The following PTGER3 variants were observed in gnomAD, a reference collection of about 807,000 sequenced individuals.
The protein encoded by PTGER3 is prostaglandin E2 receptor EP3 subtype.
Under a neutral mutation model 34.7 loss-of-function variants are expected in PTGER3, and 22 were observed. The ratio of observed to expected loss-of-function variants is 0.63; its 90% CI spans 0.45 to 0.91. The LOEUF (loss-of-function observed/expected upper bound fraction) is 0.91, where lower values mean the gene tolerates loss of function less well. Ranked by LOEUF, PTGER3 falls within the 40% of genes least tolerant of loss-of-function variation. The pLI is 0.00. For synonymous variants in PTGER3, 241 were observed against 230.1 expected (o/e 1.05, Z -0.43); for missense variants, 468 against 519.4 (o/e 0.90, Z 0.96).
intron 2 of PTGER3, chr1:71,010,392 T>C (rs1337764154): frequency 2.0e-6 from 2 of 984,738 alleles, no homozygotes; most frequent in East Asian, 2.3e-4. Context: ...TGCCAATGTG[T>C]ACTGTCCTGG....
chr1:70,856,727 G>A (rs1244710931), intron 4 of PTGER3, among the ~76,000 whole-genome samples: 3 of 152,006 alleles, frequency 2.0e-5, no homozygotes, highest in African/African-American at 7.2e-5. Context: ...TCATAATTTG[G>A]AAAATGGATA....
At position 71,047,035 on chromosome 1, in the gene PTGER3, C is replaced by G. The variant is rs1228731675; in HGVS notation, c.543G>C (p.Val181=). The change falls in exon 1 of 4, where the codon GTG becomes GTC. Residue 181 remains valine, a synonymous_variant. Transcript: ENST00000306666. ...TRATRAVLLG[V]WLAVLAFALL... ...GGGCGAAGGCGAGCACGGCCAGCCA[C>G]ACGCCGAGCAGCACAGCGCGGGTGG... The G allele has an allele frequency of 6.2e-7, 1 of 1,611,198 alleles. No individual in the cohort carries two copies.
At chr1:70,970,632 G>C (rs565087295), downstream of PTGER3, 12 of 160,178 alleles carry the variant, frequency 7.5e-5, no homozygotes, top group African/African-American at 2.9e-4. Flanking sequence ...CTAAAGAGGA[G>C]ACACTCAGTA....
At chr1:70,904,532 G>A (rs1221694243) in intron 4 of PTGER3, among the ~76,000 whole-genome samples, 3 of 152,230 alleles carry the variant, frequency 2.0e-5, no homozygotes, top group Admixed American at 6.5e-5. Context: ...CTCAGATGGA[G>A]ATGAGGAACT....
At chr1:71,008,106 T>C in intron 2 of PTGER3, 1 of 981,632 alleles carries the variant, frequency 1.0e-6, no homozygotes, top group African/African-American at 1.7e-5. Context: ...ACAGGAATTA[T>C]GTCTGTTACT....
At chr1:71,002,696 A>G (rs1557730498) in intron 2 of PTGER3, among the ~76,000 whole-genome samples, 1 of 152,218 alleles carries the variant, frequency 6.6e-6, no homozygotes, top group Non-Finnish European at 1.5e-5. Flanking sequence ...ACACTTCATG[A>G]TATGCCAATA....
chr1:70,906,799 T>G (rs752904288), intron 4 of PTGER3, among the ~76,000 whole-genome samples: 10 of 152,178 alleles, frequency 6.6e-5, no homozygotes, highest in Non-Finnish European at 1.5e-5. Context: ...GCATTTGACA[T>G]ATACATGCAT....
intron 4 of PTGER3, among the ~76,000 whole-genome samples, chr1:70,908,785 C>T (rs1250626688): frequency 6.6e-6 from 1 of 152,178 alleles, no homozygotes; most frequent in Non-Finnish European, 1.5e-5. Context: ...ATCTTTGTAA[C>T]AATAGTAGTA....
intron 4 of PTGER3, among the ~76,000 whole-genome samples, chr1:70,929,238 A>C (rs891814478): frequency 5.3e-5 from 8 of 152,178 alleles, no homozygotes; most frequent in South Asian, 4.1e-4. Flanking sequence ...AACCTTCAAA[A>C]GGGTTTTCCC....
At chr1:70,912,862 A>G (rs985125830) in intron 4 of PTGER3, among the ~76,000 whole-genome samples, 7 of 151,972 alleles carry the variant, frequency 4.6e-5, no homozygotes, top group Non-Finnish European at 8.8e-5. Context: ...CTATATGTCT[A>G]TCTTTATATC....
chr1:71,031,438 G>T (rs1273865540), intron 1 of PTGER3, among the ~76,000 whole-genome samples: 1 of 152,080 alleles, frequency 6.6e-6, no homozygotes, highest in African/African-American at 2.4e-5. Context: ...TTCTGGGTGG[G>T]AGAGAAATCC....
chr1:71,016,990 G>A (rs1364066580), intron 1 of PTGER3, among the ~76,000 whole-genome samples: 1 of 151,920 alleles, frequency 6.6e-6, no homozygotes, highest in Non-Finnish European at 1.5e-5. Flanking sequence ...CATCCTATGA[G>A]CTGAATGCTA....
chr1:70,979,132 C>A (rs1269661002), intron 2 of PTGER3, among the ~76,000 whole-genome samples: 3 of 152,048 alleles, frequency 2.0e-5, no homozygotes, highest in African/African-American at 7.2e-5. Flanking sequence ...TCAGTGAGCC[C>A]CACAAGAGCA....
chr1:70,914,717 T>A (rs1647136002), intron 4 of PTGER3, among the ~76,000 whole-genome samples: 1 of 151,958 alleles, frequency 6.6e-6, no homozygotes, highest in Non-Finnish European at 1.5e-5. Flanking sequence ...AGACTGTTTT[T>A]AAGTTTGTTA....
At chr1:70,877,089 A>G (rs1405322761) in intron 4 of PTGER3, among the ~76,000 whole-genome samples, 1 of 152,224 alleles carries the variant, frequency 6.6e-6, no homozygotes, top group Non-Finnish European at 1.5e-5. Context: ...ATCCACAAGC[A>G]TGGAATGTTT....
chr1:70,905,207 T>C (rs1646919354), intron 4 of PTGER3, among the ~76,000 whole-genome samples: 1 of 152,152 alleles, frequency 6.6e-6, no homozygotes, highest in Non-Finnish European at 1.5e-5. Context: ...AACACCTGGA[T>C]GCCCAGGCAG....
At chr1:70,870,762 A>T (rs985172854) in intron 4 of PTGER3, among the ~76,000 whole-genome samples, 1 of 152,228 alleles carries the variant, frequency 6.6e-6, no homozygotes. Flanking sequence ...TTCTTTGCTA[A>T]GGAATAACAA....
intron 2 of PTGER3, among the ~76,000 whole-genome samples, chr1:70,959,594 C>T (rs181378148): frequency 2.0e-5 from 3 of 152,160 alleles, no homozygotes; most frequent in Admixed American, 2.0e-4. Flanking sequence ...CTCCTGACCT[C>T]GAATGATCCG....
intron 2 of PTGER3, among the ~76,000 whole-genome samples, chr1:70,996,333 G>A (rs562174657): frequency 1.3e-5 from 2 of 151,810 alleles, no homozygotes; most frequent in Admixed American, 6.6e-5. Context: ...TACTCTCTGA[G>A]ACAAAATAAT....
Sources: gnomAD v4.1 joint callset for allele counts (sites outside exome capture counted in the v4.1 genomes callset) on GRCh38, gnomAD v4.1.1 for gene constraint, MANE v1.5 for transcripts, NCBI Gene and HGNC (gene_info 2026-07-23, HGNC 2026-07-21) for gene names.